PDGFRL: variants seen among roughly 807,000 people sequenced by gnomAD.
The protein encoded by PDGFRL is platelet-derived growth factor receptor-like protein.
PDGFRL carries 46 observed loss-of-function variants against 37.2 expected under a neutral mutation model. The ratio of observed to expected loss-of-function variants is 1.24; its 90% CI spans 0.98 to 1.58. The LOEUF is 1.58. PDGFRL is among the 40% of genes most tolerant of loss of function. The pLI, the probability that PDGFRL is intolerant of heterozygous loss-of-function variation, is 0.00. For synonymous variants in PDGFRL, 251 were observed against 184.3 expected (o/e 1.36, Z -2.93); for missense variants, 692 against 467.6 (o/e 1.48, Z -4.43).
At chr8:17,622,527 C>T (rs1804655038) in intron 3 of PDGFRL, among the ~76,000 whole-genome samples, 1 of 152,184 alleles carries the variant, frequency 6.6e-6, no homozygotes, top group Non-Finnish European at 1.5e-5. Flanking sequence ...CAAATAGCTC[C>T]TCTCTGGCAA....
At chr8:17,579,368 G>T (rs1803657591) in intron 1 of PDGFRL, among the ~76,000 whole-genome samples, 1 of 151,954 alleles carries the variant, frequency 6.6e-6, no homozygotes, top group Non-Finnish European at 1.5e-5. Flanking sequence ...AGCTACTAAG[G>T]AGAGTGGATT....
intron 2 of PDGFRL, among the ~76,000 whole-genome samples, chr8:17,603,811 G>A (rs558111267): frequency 3.9e-5 from 6 of 152,260 alleles, no homozygotes; most frequent in South Asian, 4.2e-4. Flanking sequence ...CTTGCTAACC[G>A]AAGTATGCTG....
chr8:17,609,275 G>A (rs1804352427), intron 2 of PDGFRL, among the ~76,000 whole-genome samples: 1 of 151,990 alleles, frequency 6.6e-6, no homozygotes, highest in South Asian at 2.1e-4. Context: ...GGGTGGCTGA[G>A]GCTGGTGGAT....
intron 5 of PDGFRL, among the ~76,000 whole-genome samples, chr8:17,642,372 A>T (rs188661524): frequency 1.3e-5 from 2 of 152,254 alleles, no homozygotes; most frequent in East Asian, 3.8e-4. Context: ...CTTACAGAAG[A>T]AAAGGGCAGA....
At chr8:17,619,969 C>G (rs1804599342) in intron 2 of PDGFRL, among the ~76,000 whole-genome samples, 1 of 152,144 alleles carries the variant, frequency 6.6e-6, no homozygotes, top group South Asian at 2.1e-4. Context: ...GAAACGTACT[C>G]TTTATTTTTT....
chr8:17,609,627 G>C (rs189242531), intron 2 of PDGFRL, among the ~76,000 whole-genome samples: 4,775 of 95,724 alleles, frequency 0.05, 250 homozygotes, highest in African/African-American at 0.14. Context: ...GACAGAGTGA[G>C]ACTCTGTAAA....
At chr8:17,622,293 C>G (rs1041320588) in intron 3 of PDGFRL, among the ~76,000 whole-genome samples, 2 of 152,216 alleles carry the variant, frequency 1.3e-5, no homozygotes, top group African/African-American at 4.8e-5. Flanking sequence ...AAGCCACCCT[C>G]GTCCTATTGT....
chr8:17,628,852 T>C (rs1232763168), intron 4 of PDGFRL, 72 bp downstream of exon 4: 9 of 1,003,914 alleles, frequency 9.0e-6, no homozygotes, highest in African/African-American at 1.6e-5. Flanking sequence ...GTTCCCTGCC[T>C]GCAGATGGAA....
chr8:17,589,869 AC>A, intron 2 of PDGFRL, 104 bp downstream of exon 2: 1 of 686,434 alleles, frequency 1.5e-6, no homozygotes, highest in South Asian at 2.0e-5. Context: ...GTTCCATTTT[AC>A]CCTAATAGAT....
intron 2 of PDGFRL, among the ~76,000 whole-genome samples, chr8:17,615,668 C>G (rs1487232528): frequency 6.6e-6 from 1 of 152,144 alleles, no homozygotes; most frequent in African/African-American, 2.4e-5. Context: ...GTAATCCCAG[C>G]ACTTGGGGAG....
intron 2 of PDGFRL, among the ~76,000 whole-genome samples, chr8:17,608,540 G>T (rs2720481): frequency 7.9e-5 from 12 of 152,182 alleles, no homozygotes; most frequent in African/African-American, 2.7e-4. Flanking sequence ...TACAAGAGCC[G>T]GAGGGGTGAC....
At chr8:17,626,063 G>T (rs1158515120) in intron 3 of PDGFRL, among the ~76,000 whole-genome samples, 1 of 152,170 alleles carries the variant, frequency 6.6e-6, no homozygotes, top group African/African-American at 2.4e-5. Flanking sequence ...TCGACTAATG[G>T]CTCTGCTTAT....
intron 2 of PDGFRL, among the ~76,000 whole-genome samples, chr8:17,604,026 AG>A (rs905290156): frequency 6.6e-6 from 1 of 151,990 alleles, no homozygotes; most frequent in African/African-American, 2.4e-5. Flanking sequence ...TTAGGAGGAG[AG>A]ATGATGATGG....
intron 3 of PDGFRL, among the ~76,000 whole-genome samples, chr8:17,625,500 A>G (rs2129785521): frequency 6.6e-6 from 1 of 152,088 alleles, no homozygotes; most frequent in South Asian, 2.1e-4. Context: ...TCTTTAAGTA[A>G]AACATTTGTC....
At chr8:17,585,573 T>C (rs1205836954) in intron 1 of PDGFRL, among the ~76,000 whole-genome samples, 3 of 152,160 alleles carry the variant, frequency 2.0e-5, no homozygotes, top group Non-Finnish European at 4.4e-5. Flanking sequence ...CATCTCTCAG[T>C]GTATATAACT....
intron 1 of PDGFRL, among the ~76,000 whole-genome samples, chr8:17,581,030 C>G (rs1316814636): frequency 6.6e-6 from 1 of 152,044 alleles, no homozygotes. Context: ...TGACCTCATG[C>G]TAACTTGATT....
intron 2 of PDGFRL, among the ~76,000 whole-genome samples, chr8:17,613,887 AATAAG>A (rs1234220253): frequency 6.6e-6 from 1 of 152,198 alleles, no homozygotes; most frequent in East Asian, 1.9e-4. Context: ...TAAAAATAAT[AATAAG>A]ATAATAATAC....
At chr8:17,635,684 C>T (rs943783182) in intron 5 of PDGFRL, among the ~76,000 whole-genome samples, 3 of 152,180 alleles carry the variant, frequency 2.0e-5, no homozygotes, top group African/African-American at 7.2e-5. Context: ...ACTTTTAGTT[C>T]TTTAAGGAAT....
chr8:17,641,899 C>CCGCCCCCCCCT (rs1433120681), intron 5 of PDGFRL, among the ~76,000 whole-genome samples: 1 of 133,230 alleles, frequency 7.5e-6, no homozygotes, highest in Non-Finnish European at 1.6e-5. Flanking sequence ...ATAGAGGTCC[C>CCGCCCCCCCCT]CGCCACATTG....
Sources: gnomAD v4.1 joint callset for allele counts (sites outside exome capture counted in the v4.1 genomes callset) on GRCh38, gnomAD v4.1.1 for gene constraint, MANE v1.5 for transcripts, NCBI Gene and HGNC (gene_info 2026-07-23, HGNC 2026-07-21) for gene names.